The following CSMD1 variants were observed in gnomAD, a reference collection of about 807,000 sequenced individuals.
The protein encoded by CSMD1 is CUB and Sushi multiple domains 1.
CSMD1 carries 213 observed loss-of-function variants against 417.5 expected under a neutral mutation model. That is an observed-to-expected ratio of 0.51 (90% CI 0.46 to 0.57). The LOEUF (loss-of-function observed/expected upper bound fraction) is 0.57. CSMD1 is among the 20% of genes least tolerant of loss of function. CSMD1 has a pLI of 0.00. For synonymous variants in CSMD1, 2,862 were observed against 1,736.8 expected (o/e 1.65, Z -16.11); for missense variants, 6,923 against 4,529.7 (o/e 1.53, Z -15.17).
chr8:3,315,014 A>ATCTC (rs1255359260), intron 23 of CSMD1, among the ~76,000 whole-genome samples: 1 of 152,192 alleles, frequency 6.6e-6, no homozygotes, highest in Non-Finnish European at 1.5e-5. Flanking sequence ...TCATTTTTGA[A>ATCTC]TCTCTGATAT....
intron 3 of CSMD1, among the ~76,000 whole-genome samples, chr8:4,276,084 C>G (rs935772329): frequency 1.3e-5 from 2 of 152,104 alleles, no homozygotes; most frequent in South Asian, 4.1e-4. Flanking sequence ...GGATCTAGAA[C>G]TTGAAATACC....
intron 7 of CSMD1, among the ~76,000 whole-genome samples, chr8:3,640,339 A>C (rs1274065985): frequency 6.6e-6 from 1 of 152,232 alleles, no homozygotes; most frequent in Non-Finnish European, 1.5e-5. Flanking sequence ...GAGATAATTA[A>C]ATATCCATTT....
intron 2 of CSMD1, among the ~76,000 whole-genome samples, chr8:4,463,524 G>C (rs998475780): frequency 1.3e-5 from 2 of 152,042 alleles, no homozygotes; most frequent in Admixed American, 6.6e-5. Flanking sequence ...TCAGTCAACC[G>C]ATGAAAAAAC....
At chr8:4,035,720 G>A (rs754637171) in intron 3 of CSMD1, among the ~76,000 whole-genome samples, 17 of 152,222 alleles carry the variant, frequency 1.1e-4, no homozygotes, top group South Asian at 8.3e-4. Flanking sequence ...ATATTATTAC[G>A]GAAGAGTCAA....
At chr8:3,700,987 G>A (rs1207048526) in intron 7 of CSMD1, among the ~76,000 whole-genome samples, 2 of 151,298 alleles carry the variant, frequency 1.3e-5, no homozygotes, top group African/African-American at 4.9e-5. Flanking sequence ...CAGGTGAGGG[G>A]CGACGGTGGT....
intron 3 of CSMD1, among the ~76,000 whole-genome samples, chr8:4,120,021 G>T (rs13261350): frequency 6.6e-6 from 1 of 152,138 alleles, no homozygotes; most frequent in African/African-American, 2.4e-5. Context: ...GGCAGTTGAT[G>T]ATAATTTAAT....
chr8:3,399,564 T>C, intron 15 of CSMD1, 35 bp from the exon 16 acceptor site: 2 of 1,519,282 alleles, frequency 1.3e-6, no homozygotes, highest in South Asian at 2.6e-5. Flanking sequence ...TTAGATCCAA[T>C]GAGACAGAAG....
At chr8:3,568,463 G>A (rs1004173517) in intron 10 of CSMD1, among the ~76,000 whole-genome samples, 3 of 152,102 alleles carry the variant, frequency 2.0e-5, no homozygotes, top group African/African-American at 7.2e-5. Flanking sequence ...ATGTACTAAC[G>A]TTTTGAGTTT....
At chr8:3,292,004 C>T (rs927092635) in intron 25 of CSMD1, among the ~76,000 whole-genome samples, 1 of 151,822 alleles carries the variant, frequency 6.6e-6, no homozygotes, top group Non-Finnish European at 1.5e-5. Context: ...TTGAATGTGT[C>T]CCAGAGATTC....
At chr8:3,852,213 G>T (rs73491917) in intron 5 of CSMD1, among the ~76,000 whole-genome samples, 4 of 152,150 alleles carry the variant, frequency 2.6e-5, no homozygotes, top group Non-Finnish European at 5.9e-5. Context: ...CAAGGACTGG[G>T]AATGGAGGCG....
intron 3 of CSMD1, among the ~76,000 whole-genome samples, chr8:4,124,899 G>T (rs932067250): frequency 6.6e-6 from 1 of 152,120 alleles, no homozygotes; most frequent in African/African-American, 2.4e-5. Context: ...GGGTTATAAG[G>T]AGATATAAGC....
At chr8:4,121,688 G>A (rs1802496456) in intron 3 of CSMD1, among the ~76,000 whole-genome samples, 1 of 150,126 alleles carries the variant, frequency 6.7e-6, no homozygotes, top group South Asian at 2.1e-4. Context: ...CAAAGTTGAA[G>A]AGGGTTTTCA....
intron 6 of CSMD1, among the ~76,000 whole-genome samples, chr8:3,741,107 T>A (rs1423319550): frequency 1.3e-5 from 2 of 150,774 alleles, no homozygotes; most frequent in East Asian, 3.9e-4. Flanking sequence ...CCCAGCTACT[T>A]GGAGTTTGAG....
chr8:4,020,987 T>C (rs1796760991), intron 4 of CSMD1, among the ~76,000 whole-genome samples: 1 of 152,220 alleles, frequency 6.6e-6, no homozygotes, highest in Non-Finnish European at 1.5e-5. Context: ...GCCTTATCAG[T>C]CTTTATGATT....
intron 5 of CSMD1, among the ~76,000 whole-genome samples, chr8:3,902,119 A>C (rs1807796426): frequency 6.6e-6 from 1 of 152,184 alleles, no homozygotes; most frequent in East Asian, 1.9e-4. Flanking sequence ...GCTAAGCCTT[A>C]ATATGACAGA....
At chr8:4,738,902 T>TG (rs1166328977) in intron 1 of CSMD1, among the ~76,000 whole-genome samples, 27 of 141,356 alleles carry the variant, frequency 1.9e-4, no homozygotes, top group Non-Finnish European at 3.5e-4. Flanking sequence ...ATTCTGTGTG[T>TG]TTGTGTGTGT....
intron 3 of CSMD1, among the ~76,000 whole-genome samples, chr8:4,189,683 G>A (rs370417908): frequency 1.2e-4 from 19 of 152,168 alleles, no homozygotes; most frequent in South Asian, 8.3e-4. Flanking sequence ...GCATTTGAAC[G>A]GAAAGAGTGT....
At chr8:3,510,722 C>G (rs1797029333) in intron 10 of CSMD1, among the ~76,000 whole-genome samples, 1 of 151,792 alleles carries the variant, frequency 6.6e-6, no homozygotes, top group South Asian at 2.1e-4. Flanking sequence ...GAGATGGTAT[C>G]TCATTGTGGT....
chr8:4,906,820 A>G (rs1805313094), intron 1 of CSMD1, among the ~76,000 whole-genome samples: 1 of 152,178 alleles, frequency 6.6e-6, no homozygotes, highest in African/African-American at 2.4e-5. Flanking sequence ...GGCCTCCCAT[A>G]GTGCTGAGAT....
Sources: allele counts gnomAD v4.1 joint callset (sites outside exome capture counted in the v4.1 genomes callset), GRCh38; gene constraint gnomAD v4.1.1; transcripts MANE v1.5; gene names NCBI Gene and HGNC (gene_info 2026-07-23, HGNC 2026-07-21).